FECH: variants seen among roughly 807,000 people sequenced by gnomAD.
The protein encoded by FECH is ferrochelatase.
Under a neutral mutation model 56.9 loss-of-function variants are expected in FECH, and 40 were observed. That is an observed-to-expected ratio of 0.70 (90% CI 0.55 to 0.92). FECH has a LOEUF of 0.92. Ranked by LOEUF, FECH falls within the 40% of genes least tolerant of loss-of-function variation. FECH has a pLI of 0.00. For synonymous variants in FECH, 175 were observed against 198.6 expected (o/e 0.88, Z 1.00); for missense variants, 431 against 529.1 (o/e 0.81, Z 1.82).
At chr18:57,558,252 C>A (rs1053788402) in intron 7 of FECH, among the ~76,000 whole-genome samples, 10 of 152,334 alleles carry the variant, frequency 6.6e-5, no homozygotes, top group South Asian at 4.1e-4. Context: ...TTATTCCAAG[C>A]GCTTCTATAT....
chr18:57,551,292 A>G, intron 10 of FECH, 23 bp downstream of exon 10: 2 of 1,569,850 alleles, frequency 1.3e-6, no homozygotes, highest in Non-Finnish European at 1.8e-6. Context: ...GTTCTACTAA[A>G]ACGATTGTAA....
chr18:57,586,564 G>C lies in FECH; in HGVS notation c.57C>G (p.Leu19=). ...GACAGACCCACTTACGCGGATCGCG[G>C]AGCAGGACGCCCGCGGCGCGCAGGG... ...AAALRAAGVL[L]RDPLASSSWR... Residue 19 remains leucine, a synonymous_variant, in exon 1 of 11, where the codon CTC becomes CTG. Transcript: ENST00000262093. The C allele has an allele frequency of 1.3e-6, 2 of 1,522,386 alleles. No individual in the cohort carries two copies. The highest frequency in any genetic ancestry group is 1.4e-5 in the African/African-American group (1 of 70,334). 94.3% of individuals were successfully genotyped at this position (1,522,386 alleles called of 1,614,324 possible).
intron 3 of FECH, among the ~76,000 whole-genome samples, chr18:57,572,513 TAAAAAA>T (rs57279341): frequency 0.022 from 1,209 of 56,018 alleles, 25 homozygotes; most frequent in Middle Eastern, 0.11. Flanking sequence ...TATACGTATG[TAAAAAA>T]AAAAAAAAAA....
intron 5 of FECH, among the ~76,000 whole-genome samples, chr18:57,565,235 T>G (rs1353007935): frequency 6.6e-6 from 1 of 152,230 alleles, no homozygotes; most frequent in African/African-American, 2.4e-5. Context: ...AGCTTAAAAA[T>G]TCATAAAATC....
rs1280723040 is a variant in FECH at position 57,554,164 on chromosome 18, G to A, written c.1077+96C>T. 5.3e-6 allele frequency: 7 copies of A among 1,328,214 alleles called. No homozygotes were observed. The South Asian group carries it at 8.3e-5, about 16-fold the overall frequency. 82.3% of individuals were successfully genotyped at this position (1,328,214 alleles called of 1,614,324 possible). A position where few individuals can be genotyped will look rare whatever the true frequency, so the allele number is the denominator to read the frequency against. On this transcript the variant is annotated intron_variant, in intron 9 of 10. Transcript: ENST00000262093. ...GACACCGTACATGCAAACAAATACA[G>A]TAAACAATATTTCTGAATGATACAT... is the stretch of plus-strand genomic sequence containing the variant.
At chr18:57,577,062 C>G (rs2051194865) in intron 2 of FECH, among the ~76,000 whole-genome samples, 1 of 152,180 alleles carries the variant, frequency 6.6e-6, no homozygotes, top group South Asian at 2.1e-4. Context: ...GTAACAGAAA[C>G]TTAAGCTTGT....
rs73959100 is a variant in FECH at position 57,571,349 on chromosome 18, G to A, written c.463+43C>T. 4.6e-3 allele frequency: 7,329 copies of A among 1,597,956 alleles called. 270 individuals carry two copies. In the African/African-American group the frequency reaches 0.086, roughly 19 times the overall value. On this transcript the variant is annotated intron_variant, in intron 4 of 10. Coordinates refer to ENST00000262093, the MANE Select transcript of FECH (RefSeq NM_000140.5). ...CTCTTTTGAATTTCATAACTACTTC[G>A]AAAGAACTAATCTAGTTACATGTTA... is the stretch of plus-strand genomic sequence containing the variant.
intron 9 of FECH, 60 bp from the exon 10 acceptor site, chr18:57,551,434 C>A: frequency 1.6e-6 from 2 of 1,265,244 alleles, no homozygotes; most frequent in South Asian, 2.5e-5. Context: ...CTTTTTTTTT[C>A]AAAGAAACTG....
Position 57,550,315 on chromosome 18 carries a change from C to T in FECH, c.*397G>A, listed in dbSNP as rs754440352. 1.7e-5 allele frequency: 3 copies of T among 173,868 alleles called. No individual in the cohort carries two copies. Among genetic ancestry groups the T allele is most frequent in the Admixed American group, 5.7e-5 (1 of 17,608 alleles). 10.8% of individuals were successfully genotyped at this position (173,868 alleles called of 1,614,324 possible). On this transcript the variant is annotated 3_prime_UTR_variant, in exon 11 of 11. Transcript: ENST00000262093. Reference sequence around the variant, plus strand: ...ATTTAAAAAACAGCAACTATATGCACGAGACTAAACAGATCTCATTCACAC... The same window carrying T: ...ATTTAAAAAACAGCAACTATATGCATGAGACTAAACAGATCTCATTCACAC...
At chr18:57,563,582 A>C (rs1221376807) in intron 5 of FECH, among the ~76,000 whole-genome samples, 23 of 146,920 alleles carry the variant, frequency 1.6e-4, no homozygotes, top group South Asian at 8.6e-4. Context: ...CTCCGTCCCA[A>C]AAAAAAAAAA....
intron 5 of FECH, 123 bp downstream of exon 5, chr18:57,566,321 AAAG>A: frequency 7.4e-7 from 1 of 1,346,174 alleles, no homozygotes; most frequent in South Asian, 1.2e-5. Flanking sequence ...TCTCGTGTTT[AAAG>A]AAGACAGGTT....
rs577229922 is a variant in FECH at position 57,548,953 on chromosome 18, G to A, written c.*1759C>T. 1 of 152,220 alleles carries A rather than the reference G, an allele frequency of 6.6e-6. No homozygotes were observed. The highest frequency in any genetic ancestry group is 6.5e-5 in the Admixed American group (1 of 15,296). 9.4% of individuals were successfully genotyped at this position (152,220 alleles called of 1,614,324 possible). A position where few individuals can be genotyped will look rare whatever the true frequency, so the allele number is the denominator to read the frequency against. ...AGGCCCTTGGGAAATATCCTTAAGG[G>A]GAGAGAGTGGCTCCAAAAATAACCT... is the stretch of plus-strand genomic sequence containing the variant. On this transcript the variant is annotated 3_prime_UTR_variant, in exon 11 of 11. Coordinates refer to ENST00000262093, the MANE Select transcript of FECH (RefSeq NM_000140.5).
intron 7 of FECH, among the ~76,000 whole-genome samples, chr18:57,557,984 T>G (rs2050889776): frequency 6.6e-6 from 1 of 152,144 alleles, no homozygotes; most frequent in African/African-American, 2.4e-5. Flanking sequence ...GAGAGGAATT[T>G]ATCTTCAGAG....
At chr18:57,551,887 C>CTTTT (rs201249549) in intron 9 of FECH, among the ~76,000 whole-genome samples, 180 of 141,414 alleles carry the variant, frequency 1.3e-3, no homozygotes, top group South Asian at 6.2e-3. Flanking sequence ...ATTCTTTTTT[C>CTTTT]TTTTTTTTTT....
Position 57,546,274 on chromosome 18 carries a change from A to G in FECH, c.*4438T>C, listed in dbSNP as rs1281185168. 1.3e-5 allele frequency among the ~76,000 whole-genome samples: 2 copies of G among 152,168 alleles called. No individual in the cohort carries two copies. The highest frequency in any genetic ancestry group is 4.8e-5 in the African/African-American group (2 of 41,430). On this transcript the variant is annotated 3_prime_UTR_variant, in exon 11 of 11. Coordinates refer to ENST00000262093, the MANE Select transcript of FECH (RefSeq NM_000140.5). ...TTCACGTGCCCCCGTGCGCACACAT[A>G]GACGTTCGCTTACAGCTGCCAGCTT...
chr18:57,575,441 TTTTG>T (rs1002955524), intron 2 of FECH, among the ~76,000 whole-genome samples: 5 of 152,018 alleles, frequency 3.3e-5, no homozygotes, highest in African/African-American at 7.3e-5. Flanking sequence ...ATGACATCTT[TTTTG>T]TTTTTGTTTT....
intron 1 of FECH, among the ~76,000 whole-genome samples, chr18:57,584,221 G>C (rs540415447): frequency 6.6e-6 from 1 of 150,772 alleles, no homozygotes; most frequent in Admixed American, 6.6e-5. Flanking sequence ...AACTCCTGCA[G>C]TGGTGGACAC....
chr18:57,570,182 C>T (rs879267293), intron 4 of FECH, among the ~76,000 whole-genome samples: 2 of 152,084 alleles, frequency 1.3e-5, no homozygotes, highest in Non-Finnish European at 2.9e-5. Flanking sequence ...GCGTGAGCCA[C>T]CACACCAGGC....
At chr18:57,551,930 C>G (rs1453740413) in intron 9 of FECH, among the ~76,000 whole-genome samples, 5 of 149,982 alleles carry the variant, frequency 3.3e-5, no homozygotes, top group Non-Finnish European at 7.4e-5. Flanking sequence ...GTCACCCAGG[C>G]TGGAGTGCAG....
Sources: gnomAD v4.1 joint callset for allele counts (sites outside exome capture counted in the v4.1 genomes callset) on GRCh38, gnomAD v4.1.1 for gene constraint, MANE v1.5 for transcripts, NCBI Gene and HGNC (gene_info 2026-07-23, HGNC 2026-07-21) for gene names.